The following IL5RA variants were observed in gnomAD, a reference collection of about 807,000 sequenced individuals.
The protein encoded by IL5RA is interleukin 5 receptor subunit alpha, also known as interleukin-5 receptor subunit alpha.
Under a neutral mutation model 50.0 loss-of-function variants are expected in IL5RA, and 49 were observed. That is an observed-to-expected ratio of 0.98 (90% confidence interval 0.78 to 1.24). IL5RA has a LOEUF of 1.24. IL5RA is among the 50% of genes most tolerant of loss of function. The pLI is 0.00. For synonymous variants in IL5RA, 202 were observed against 174.0 expected (o/e 1.16, Z -1.26); for missense variants, 600 against 500.4 (o/e 1.20, Z -1.90).
intron 4 of IL5RA, 30 bp from the exon 5 acceptor site, chr3:3,101,860 A>G (rs1383322154): frequency 1.9e-6 from 3 of 1,600,012 alleles, no homozygotes; most frequent in Admixed American, 1.7e-5. Flanking sequence ...GTCATGATAC[A>G]TAAAAGAGAA....
intron 9 of IL5RA, among the ~76,000 whole-genome samples, chr3:3,083,087 A>C (rs968320877): frequency 1.2e-4 from 19 of 152,324 alleles, no homozygotes; most frequent in African/African-American, 4.6e-4. Flanking sequence ...AGTCTATGAT[A>C]CAGGGTTTAA....
At chr3:3,075,220 T>TC (rs1033225351) in intron 10 of IL5RA, among the ~76,000 whole-genome samples, 1 of 146,906 alleles carries the variant, frequency 6.8e-6, no homozygotes, top group African/African-American at 2.5e-5. Context: ...TTTTTTTTTT[T>TC]TTTTTTTGGT....
At chr3:3,077,824 T>C (rs898770626) in intron 9 of IL5RA, among the ~76,000 whole-genome samples, 1 of 152,098 alleles carries the variant, frequency 6.6e-6, no homozygotes, top group Non-Finnish European at 1.5e-5. Context: ...TACCAAATAG[T>C]GTTTAAAGAG....
chr3:3,073,065 C>T (rs1702355249), intron 11 of IL5RA, among the ~76,000 whole-genome samples: 1 of 152,154 alleles, frequency 6.6e-6, no homozygotes, highest in African/African-American at 2.4e-5. Flanking sequence ...GGGCCATTCC[C>T]CTGATAAAGG....
intron 9 of IL5RA, among the ~76,000 whole-genome samples, chr3:3,086,005 T>G (rs1424844106): frequency 1.3e-5 from 2 of 152,198 alleles, no homozygotes; most frequent in Non-Finnish European, 2.9e-5. Context: ...CTCCCCTGGG[T>G]GTAGGTGCCA....
At position 3,067,223 on chromosome 3, in the gene IL5RA, T is replaced by C. The variant is rs1322198306; in HGVS notation, c.*3002A>G. 1 of 152,220 alleles carries C rather than the reference T, an allele frequency of 6.6e-6. No individual in the cohort carries two copies. The highest frequency in any genetic ancestry group is 1.5e-5 in the Non-Finnish European group (1 of 68,052). The allele number at this position is 152,220 out of a possible 1,614,324, so 9.4% of individuals were successfully genotyped here. A position where few individuals can be genotyped will look rare whatever the true frequency, so the allele number is the denominator to read the frequency against. On this transcript the variant is annotated 3_prime_UTR_variant, in exon 12 of 12. Coordinates refer to ENST00000446632, the MANE Select transcript of IL5RA (RefSeq NM_175726.4). The stretch of plus-strand genomic sequence containing the variant: ...GGCAGCAAAAACATCCAGGTTGCAG[T>C]AGCCCAGTTGTTAGGCACATGTGTC...
intron 5 of IL5RA, among the ~76,000 whole-genome samples, chr3:3,101,189 A>C (rs1703637544): frequency 6.6e-6 from 1 of 151,918 alleles, no homozygotes; most frequent in Admixed American, 6.6e-5. Context: ...AAAAAAAAAA[A>C]AAAAAAGTAA....
chr3:3,093,311 C>A lies in IL5RA; in HGVS notation c.856-949G>T, dbSNP rs561192677. On this transcript the variant is annotated intron_variant, in intron 8 of 11. Transcript: ENST00000446632. ...GCATAAAGTTACTCCTTTTCCTAGG[C>A]TGGTGCAAGTCAGGAACTATTTATT... Among the ~76,000 whole-genome samples, 19 of 152,262 alleles carry A rather than the reference C, an allele frequency of 1.2e-4. No individual in the cohort carries two copies. The East Asian group carries it at 3.1e-3, about 25-fold the overall frequency.
intron 9 of IL5RA, among the ~76,000 whole-genome samples, chr3:3,088,961 T>C (rs3804795): frequency 0.08 from 12,212 of 152,214 alleles, 757 homozygotes; most frequent in South Asian, 0.29. Flanking sequence ...CTGAGACTGA[T>C]TAATGCTTCT....
chr3:3,078,658 A>G (rs930076098), intron 9 of IL5RA, among the ~76,000 whole-genome samples: 1 of 152,060 alleles, frequency 6.6e-6, no homozygotes, highest in Non-Finnish European at 1.5e-5. Context: ...ACATGGCAAA[A>G]CCCCATCTCT....
At chr3:3,088,979 G>C (rs17882298) in intron 9 of IL5RA, among the ~76,000 whole-genome samples, 1 of 152,116 alleles carries the variant, frequency 6.6e-6, no homozygotes, top group Non-Finnish European at 1.5e-5. Flanking sequence ...TCTCGTATTT[G>C]TTTCCCTCCT....
At chr3:3,103,932 CACCTCT>C (rs1222739582) in intron 3 of IL5RA, among the ~76,000 whole-genome samples, 2 of 152,240 alleles carry the variant, frequency 1.3e-5, no homozygotes, top group African/African-American at 4.8e-5. Context: ...CGGACTTCCA[CACCTCT>C]ACATCCATGT....
chr3:3,100,404 A>G (rs540302783), intron 5 of IL5RA, among the ~76,000 whole-genome samples: 1 of 152,338 alleles, frequency 6.6e-6, no homozygotes, highest in South Asian at 2.1e-4. Context: ...TATTCAGTTC[A>G]TGTATATATG....
intron 9 of IL5RA, among the ~76,000 whole-genome samples, chr3:3,091,470 G>C (rs1703097631): frequency 6.6e-6 from 1 of 152,172 alleles, no homozygotes; most frequent in Non-Finnish European, 1.5e-5. Context: ...AGCGGCTCAT[G>C]CCTGTAATCC....
At chr3:3,087,835 A>T (rs1263372876) in intron 9 of IL5RA, among the ~76,000 whole-genome samples, 1 of 152,228 alleles carries the variant, frequency 6.6e-6, no homozygotes, top group Non-Finnish European at 1.5e-5. Context: ...TCAAGGGATA[A>T]AAAAGAGCCA....
chr3:3,077,716 C>T (rs1213776375), intron 9 of IL5RA, among the ~76,000 whole-genome samples: 6 of 152,044 alleles, frequency 3.9e-5, no homozygotes, highest in Non-Finnish European at 7.4e-5. Context: ...TGCAGTGAGC[C>T]GAGATTGCAC....
intron 8 of IL5RA, among the ~76,000 whole-genome samples, chr3:3,094,221 T>C (rs1703255789): frequency 6.6e-6 from 1 of 152,240 alleles, no homozygotes; most frequent in African/African-American, 2.4e-5. Context: ...TTCAACACTC[T>C]TTTAATCTTG....
intron 4 of IL5RA, among the ~76,000 whole-genome samples, 194 bp downstream of exon 4, chr3:3,102,481 T>C (rs983480287): frequency 5.9e-5 from 9 of 152,236 alleles, no homozygotes; most frequent in Non-Finnish European, 7.3e-5. Flanking sequence ...TATTCTGTGA[T>C]GCTGTTTAAC....
Position 3,101,811 on chromosome 3 carries a change from T to C in IL5RA, c.248A>G (p.Glu83Gly). 6.2e-7 allele frequency: 1 copy of C among 1,613,920 alleles called. No individual in the cohort carries two copies. Among genetic ancestry groups the C allele is most frequent in the South Asian group, 1.1e-5 (1 of 91,022 alleles). The change falls in exon 5 of 12, where the codon GAA (glutamate) becomes GGA (glycine). Residue 83 changes from glutamate to glycine, a missense_variant. Glu to Gly is a moderately conservative substitution (Grantham distance 98, BLOSUM62 -2). Coordinates refer to ENST00000446632, the MANE Select transcript of IL5RA (RefSeq NM_175726.4). ...GTGGAGGATGGTTACACATTTGCTT[T>C]CAGTGATTCTGGTTTCATACTAAAA... ...KEDDYETRIT[E>G]SKCVTILHKG... is the part of the protein sequence containing the mutation.
Sources: allele counts gnomAD v4.1 joint callset (sites outside exome capture counted in the v4.1 genomes callset), GRCh38; gene constraint gnomAD v4.1.1; transcripts MANE v1.5; gene names NCBI Gene and HGNC (gene_info 2026-07-23, HGNC 2026-07-21).